BICD1: variants seen among roughly 807,000 people sequenced by gnomAD.
BICD1 encodes the protein BICD cargo adaptor 1.
In BICD1, 35 loss-of-function variants were observed where a neutral mutation model predicts 92.5. The observed-to-expected ratio is 0.38, with a 90% CI of 0.29 to 0.50. The LOEUF is 0.50. Among genes scored for constraint, BICD1 ranks in the 20% least tolerant of loss-of-function variants. BICD1 has a pLI of 0.93. For synonymous variants in BICD1, 429 were observed against 465.1 expected, an observed-to-expected ratio of 0.92 and a Z score of 1.00; for missense variants, 950 against 1,189.8, an observed-to-expected ratio of 0.80 and a Z score of 2.97.
rs971676498 is a variant in BICD1, at chr12:32,380,952, C to T, written c.*3325C>T. The T allele has an allele frequency of 2.6e-5, 4 of 151,840 alleles. No homozygotes were observed. The highest frequency in any genetic ancestry group is 4.4e-5 in the Non-Finnish European group (3 of 67,918). 9.4% of individuals were successfully genotyped at this position (151,840 alleles called of 1,614,324 possible). A position where few individuals can be genotyped will look rare whatever the true frequency, so the allele number is the denominator to read the frequency against. On this transcript the variant is annotated 3_prime_UTR_variant, in exon 10 of 10. Transcript: ENST00000652176. The stretch of plus-strand genomic sequence containing the variant: ...GAGATTTTTAACACTGGGAAATTAA[C>T]GTGGAAATTGATAATCATAAAGAAT...
chr12:32,174,464 C>T (rs899766408), intron 1 of BICD1, among the ~76,000 whole-genome samples: 9 of 151,884 alleles, frequency 5.9e-5, no homozygotes, highest in Admixed American at 5.3e-4. Context: ...GTTCACACTA[C>T]TGCACTCCAG....
rs191137869 is a variant in BICD1, at chr12:32,327,918, A to C, written c.1463A>C (p.Gln488Pro). 1 of 1,614,190 alleles carries C rather than the reference A, an allele frequency of 6.2e-7. No individual in the cohort carries two copies. Among genetic ancestry groups the C allele is most frequent in the Non-Finnish European group, 8.5e-7 (1 of 1,180,042 alleles). ...ATGGCCCACATGGAGAAGGAGTTGC[A>C]AAAGATGACCAGCATAGCCAACGAA... is the stretch of plus-strand genomic sequence containing the variant. Reference protein sequence around the residue: ...EKMAHMEKELQKMTSIANENH... With the variant: ...EKMAHMEKELPKMTSIANENH... Residue 488 changes from glutamine (Q) to proline (P), a missense_variant, in exon 5 of 10, where the codon CAA becomes CCA. Around this residue, in one of 5 missense-constraint regions of BICD1, gnomAD observed 309 missense variants for 499.4 expected, o/e 0.62. Transcript: ENST00000652176.
chr12:32,225,621 G>GTTCTTTTTTTTTTTTTTTT (rs1945657543), intron 2 of BICD1, among the ~76,000 whole-genome samples: 1 of 92,776 alleles, frequency 1.1e-5, no homozygotes, highest in Admixed American at 1.4e-4. Context: ...CTTTTTTTCT[G>GTTCTTTTTTTTTTTTTTTT]TTTTTTTTTT....
At chr12:32,365,030 G>GT (rs1306536100) in intron 8 of BICD1, among the ~76,000 whole-genome samples, 1 of 152,164 alleles carries the variant, frequency 6.6e-6, no homozygotes, top group African/African-American at 2.4e-5. Flanking sequence ...GAAGTCAGGA[G>GT]TTAGAGACCA....
At chr12:32,338,654 A>T in intron 7 of BICD1, 132 bp from the exon 8 acceptor site, 1 of 778,702 alleles carries the variant, frequency 1.3e-6, no homozygotes, top group Non-Finnish European at 1.9e-6. Context: ...AAAAAAAAGC[A>T]AAAAGATTGA....
chr12:32,304,824 C>G, intron 3 of BICD1, among the ~76,000 whole-genome samples: 1 of 151,964 alleles, frequency 6.6e-6, no homozygotes, highest in East Asian at 1.9e-4. Context: ...TCAAGAGCAG[C>G]CTGGGCAATA....
intron 8 of BICD1, chr12:32,339,721 G>A (rs1182479738): frequency 1.0e-6 from 1 of 985,334 alleles, no homozygotes; most frequent in Non-Finnish European, 1.2e-6. Flanking sequence ...TGAGTATAGG[G>A]CAGAAGTGGC....
chr12:32,113,462 A>G (rs1418493411), intron 1 of BICD1, among the ~76,000 whole-genome samples: 1 of 151,916 alleles, frequency 6.6e-6, no homozygotes, highest in Non-Finnish European at 1.5e-5. Context: ...GCTCACCGCA[A>G]CCTTAACTAA....
Position 32,379,702 on chromosome 12 carries a change from T to C in BICD1, c.*2075T>C, listed in dbSNP as rs1289890614. On this transcript the variant is annotated 3_prime_UTR_variant, in exon 10 of 10. Coordinates refer to ENST00000652176, the MANE Select transcript of BICD1 (RefSeq NM_001714.4). ...TTCTCAAGCACCACGTATTTGGACC[T>C]GAGAAGTGGCATAGCTGCTAAGTTG... 6.6e-6 allele frequency: 1 copy of C among 152,212 alleles called. No homozygotes were observed. The highest frequency in any genetic ancestry group is 2.4e-5 in the African/African-American group (1 of 41,456). The allele number at this position is 152,212 out of a possible 1,614,324, so 9.4% of individuals were successfully genotyped here.
chr12:32,208,708 G>C (rs543844381), intron 1 of BICD1, among the ~76,000 whole-genome samples: 1 of 152,290 alleles, frequency 6.6e-6, no homozygotes, highest in South Asian at 2.1e-4. Context: ...TTTGCTGCTG[G>C]AATATGCAGC....
At chr12:32,196,942 C>CATTT (rs1374016967) in intron 1 of BICD1, among the ~76,000 whole-genome samples, 1 of 151,996 alleles carries the variant, frequency 6.6e-6, no homozygotes, top group Non-Finnish European at 1.5e-5. Flanking sequence ...TTACAAAAGA[C>CATTT]ATTTACAAGC....
chr12:32,324,608 C>T (rs893509289), intron 4 of BICD1, among the ~76,000 whole-genome samples: 11 of 151,790 alleles, frequency 7.2e-5, no homozygotes, highest in African/African-American at 2.7e-4. Context: ...TGGAGTCTCA[C>T]TCTGTCGCCC....
At chr12:32,360,610 T>C (rs898140623) in intron 8 of BICD1, among the ~76,000 whole-genome samples, 1 of 152,154 alleles carries the variant, frequency 6.6e-6, no homozygotes, top group Non-Finnish European at 1.5e-5. Context: ...TGTCTGAACT[T>C]GGGCAAGCAA....
At chr12:32,329,208 G>A (rs1369081546) in intron 5 of BICD1, among the ~76,000 whole-genome samples, 2 of 152,054 alleles carry the variant, frequency 1.3e-5, no homozygotes, top group African/African-American at 2.4e-5. Context: ...GGGTTCAAGC[G>A]ATTCTCATGC....
chr12:32,258,495 A>G (rs1946774733), intron 2 of BICD1, among the ~76,000 whole-genome samples: 1 of 152,090 alleles, frequency 6.6e-6, no homozygotes, highest in African/African-American at 2.4e-5. Context: ...AAGACACAAG[A>G]CAAAGAGATA....
chr12:32,234,646 A>G (rs1373723354), intron 2 of BICD1, among the ~76,000 whole-genome samples: 1 of 150,156 alleles, frequency 6.7e-6, no homozygotes, highest in East Asian at 1.9e-4. Context: ...CAGAATTATA[A>G]CTAAACACCA....
chr12:32,313,214 C>T lies in BICD1; in HGVS notation c.1005+7092C>T, dbSNP rs1948423376. 6.6e-6 allele frequency among the ~76,000 whole-genome samples: 1 copy of T among 151,964 alleles called. No homozygotes were observed. Among genetic ancestry groups the T allele is most frequent in the Non-Finnish European group, 1.5e-5 (1 of 68,002 alleles). On this transcript the variant is annotated intron_variant, in intron 4 of 9. Coordinates refer to ENST00000652176, the MANE Select transcript of BICD1 (RefSeq NM_001714.4). The surrounding 1 kb of genome is among the most constrained non-coding windows in gnomAD (Gnocchi z 4.2). ...CTAAAATTAATATATTCTGTTGCAT[C>T]CTCATGGATGTGGAAGAAATATATT...
chr12:32,333,060 G>A (rs1937948799), intron 5 of BICD1: 2 of 985,032 alleles, frequency 2.0e-6, no homozygotes, highest in Non-Finnish European at 2.4e-6. Flanking sequence ...TTGTATTTCT[G>A]TTTCAGATCT....
chr12:32,259,400 C>G (rs1178472793), intron 2 of BICD1, among the ~76,000 whole-genome samples: 2 of 152,192 alleles, frequency 1.3e-5, no homozygotes, highest in African/African-American at 4.8e-5. Flanking sequence ...TGATTACGAT[C>G]TATGTAAAGC....
Sources: allele counts gnomAD v4.1 joint callset (sites outside exome capture counted in the v4.1 genomes callset), GRCh38; gene constraint gnomAD v4.1.1; regional missense constraint gnomAD v4.1.1; non-coding constraint Gnocchi (gnomAD v3.1); transcripts MANE v1.5; gene names NCBI Gene and HGNC (gene_info 2026-07-23, HGNC 2026-07-21).